Variants in PARD3B observed in about 807,000 individuals in gnomAD.
The protein encoded by PARD3B is partitioning defective 3 homolog B.
A neutral mutation model predicts 130.2 loss-of-function variants in PARD3B; 103 were observed. The observed-to-expected ratio is 0.79, with a 90% confidence interval of 0.67 to 0.93. The LOEUF (loss-of-function observed/expected upper bound fraction) is 0.93, where lower values mean the gene tolerates loss of function less well. PARD3B is among the 40% of genes least tolerant of loss of function. The pLI is 0.00. For missense variants in PARD3B, 1,609 were observed against 1,499.2 expected (o/e 1.07, Z -1.21); for synonymous variants, 583 against 553.2 (o/e 1.05, Z -0.76).
Position 205,291,746 on chromosome 2 carries a change from G to T in PARD3B, c.2186-8784G>T, listed in dbSNP as rs2041615711. On this transcript the variant is annotated intron_variant, in intron 16 of 22. Transcript: ENST00000406610. The surrounding 1 kb of genome is among the most constrained non-coding windows in gnomAD (Gnocchi z 4.6). ...CATCAAAAAGGAAGCAGAGCTTAAA[G>T]ACTTAGGTAATTCTCAGCCTATCCA... is the stretch of plus-strand genomic sequence containing the variant. Among the ~76,000 whole-genome samples, 1 of 152,214 alleles carries T rather than the reference G, an allele frequency of 6.6e-6. No individual in the cohort carries two copies. Among genetic ancestry groups the T allele is most frequent in the African/African-American group, 2.4e-5 (1 of 41,464 alleles).
At chr2:205,177,836 G>A (rs565897315) in intron 13 of PARD3B, among the ~76,000 whole-genome samples, 1 of 152,230 alleles carries the variant, frequency 6.6e-6, no homozygotes, top group African/African-American at 2.4e-5. Context: ...TACAAATGAA[G>A]GTCTAGAAAG....
intron 2 of PARD3B, among the ~76,000 whole-genome samples, chr2:204,705,196 T>G (rs1241726426): frequency 1.3e-5 from 2 of 152,178 alleles, no homozygotes; most frequent in African/African-American, 2.4e-5. Flanking sequence ...TTCACTATGT[T>G]TAGTATTGGG....
At chr2:204,976,187 A>G (rs532212010) in intron 3 of PARD3B, among the ~76,000 whole-genome samples, 9 of 152,316 alleles carry the variant, frequency 5.9e-5, no homozygotes, top group South Asian at 2.1e-4. Flanking sequence ...CAAGTAGGCA[A>G]TGGAATGTTT....
At chr2:205,350,614 A>T (rs2043963506) in intron 18 of PARD3B, among the ~76,000 whole-genome samples, 1 of 151,826 alleles carries the variant, frequency 6.6e-6, no homozygotes, top group African/African-American at 2.4e-5. Flanking sequence ...CTTCTCCTTT[A>T]TTGTCTTTTT....
intron 1 of PARD3B, among the ~76,000 whole-genome samples, chr2:204,567,247 T>G (rs996773252): frequency 1.3e-5 from 2 of 152,196 alleles, no homozygotes; most frequent in Non-Finnish European, 2.9e-5. Flanking sequence ...ATGTTCCATT[T>G]TAAGTGTATA....
chr2:204,779,774 G>C (rs192421378), intron 2 of PARD3B, among the ~76,000 whole-genome samples: 2 of 152,322 alleles, frequency 1.3e-5, no homozygotes, highest in Admixed American at 1.3e-4. Context: ...CCTGGGCTCA[G>C]ACACTTGCCT....
intron 21 of PARD3B, among the ~76,000 whole-genome samples, chr2:205,544,476 G>A (rs80162194): frequency 0.033 from 5,053 of 152,112 alleles, 139 homozygotes; most frequent in Non-Finnish European, 0.048. Context: ...CACACAAAGT[G>A]CATCTGATAG....
At chr2:204,774,547 A>G (rs2041529421) in intron 2 of PARD3B, among the ~76,000 whole-genome samples, 1 of 152,010 alleles carries the variant, frequency 6.6e-6, no homozygotes, top group Admixed American at 6.6e-5. Context: ...GACACTTTTT[A>G]AAATCTGTAT....
rs1193345531 is a variant in PARD3B at position 204,887,837 on chromosome 2, A to G, written c.223-77315A>G. 5.3e-5 allele frequency among the ~76,000 whole-genome samples: 8 copies of G among 152,332 alleles called. No individual in the cohort carries two copies. The highest frequency in any genetic ancestry group is 3.3e-4 in the Admixed American group (5 of 15,306). The stretch of plus-strand genomic sequence containing the variant: ...ACCAGACAGTGCATGGTGCAATGCC[A>G]GAAGTTGACACTGTCATTGGGTGCT... On this transcript the variant is annotated intron_variant, in intron 2 of 22. Transcript: ENST00000406610. The surrounding 1 kb of genome is among the most constrained non-coding windows in gnomAD (Gnocchi z 4.2).
rs2054131724 is a variant in PARD3B at position 205,584,720 on chromosome 2, G to C, written c.3261-30736G>C. Among the ~76,000 whole-genome samples, 1 of 152,050 alleles carries C rather than the reference G, an allele frequency of 6.6e-6. No individual in the cohort carries two copies. Among genetic ancestry groups the C allele is most frequent in the African/African-American group, 2.4e-5 (1 of 41,400 alleles). On this transcript the variant is annotated intron_variant, in intron 22 of 22. Transcript: ENST00000406610. This position sits in a 1 kb window ranked among gnomAD's most constrained non-coding sequence, Gnocchi z 5.5. ...AATAAATAAATAAATGATATATGTG[G>C]CTTGCATTATTTTCTCCTGGGGCAG... is the stretch of plus-strand genomic sequence containing the variant.
intron 2 of PARD3B, among the ~76,000 whole-genome samples, chr2:204,827,477 C>A (rs1353293503): frequency 6.6e-6 from 1 of 152,098 alleles, no homozygotes; most frequent in East Asian, 1.9e-4. Flanking sequence ...TTAAAGAGAT[C>A]TGGCCTTCTC....
chr2:204,789,945 A>G (rs1045320154), intron 2 of PARD3B, among the ~76,000 whole-genome samples: 1 of 149,832 alleles, frequency 6.7e-6, no homozygotes, highest in Non-Finnish European at 1.5e-5. Context: ...ATCTCGGCTC[A>G]CTGCAAGCTC....
intron 2 of PARD3B, among the ~76,000 whole-genome samples, chr2:204,846,708 C>T (rs902947901): frequency 2.7e-5 from 4 of 150,510 alleles, no homozygotes; most frequent in Non-Finnish European, 5.9e-5. Context: ...GCTTCCTATA[C>T]CTGAAAGTAT....
chr2:204,783,019 T>C (rs1214202675), intron 2 of PARD3B, among the ~76,000 whole-genome samples: 1 of 152,092 alleles, frequency 6.6e-6, no homozygotes, highest in Non-Finnish European at 1.5e-5. Context: ...ACCTGTTGTA[T>C]TTTCAACAGG....
At chr2:204,980,775 A>G (rs1359562997) in intron 3 of PARD3B, among the ~76,000 whole-genome samples, 2 of 152,220 alleles carry the variant, frequency 1.3e-5, no homozygotes, top group Non-Finnish European at 2.9e-5. Context: ...CAACAAGGAA[A>G]GATTGAAAAA....
In PARD3B at chr2:204,610,973, C is replaced by T. The variant is rs536858784; in HGVS notation, c.120+64854C>T. On this transcript the variant is annotated intron_variant, in intron 1 of 22. Coordinates refer to ENST00000406610, the MANE Select transcript of PARD3B (RefSeq NM_001302769.2). The surrounding 1 kb of genome is among the most constrained non-coding windows in gnomAD (Gnocchi z 4.1). ...TTCCCAAACTGCATTTCCTGCTTTT[C>T]GAAATCATTTCTCTCATACCATCCC... Among the ~76,000 whole-genome samples, 6 of 152,138 alleles carry T rather than the reference C, an allele frequency of 3.9e-5. No homozygotes were observed. Among genetic ancestry groups the T allele is most frequent in the African/African-American group, 9.7e-5 (4 of 41,436 alleles).
chr2:204,826,534 ATATT>A (rs2043582513), intron 2 of PARD3B, among the ~76,000 whole-genome samples: 2 of 152,174 alleles, frequency 1.3e-5, no homozygotes, highest in Admixed American at 1.3e-4. Context: ...AGATATTCAG[ATATT>A]TATTGTTACT....
intron 15 of PARD3B, among the ~76,000 whole-genome samples, chr2:205,194,544 C>G (rs974126229): frequency 6.6e-5 from 10 of 152,112 alleles, no homozygotes; most frequent in African/African-American, 2.4e-4. Flanking sequence ...TAAACATTTC[C>G]TGTTCTGTCT....
chr2:205,556,072 C>T (rs754883321), intron 22 of PARD3B, among the ~76,000 whole-genome samples: 2 of 152,102 alleles, frequency 1.3e-5, no homozygotes, highest in Non-Finnish European at 1.5e-5. Context: ...ATCACGCCAG[C>T]TCCACCGCTG....
Sources: allele counts gnomAD v4.1 joint callset (sites outside exome capture counted in the v4.1 genomes callset), GRCh38; gene constraint gnomAD v4.1.1; non-coding constraint Gnocchi (gnomAD v3.1); transcripts MANE v1.5; gene names NCBI Gene and HGNC (gene_info 2026-07-23, HGNC 2026-07-21).